IFI44L: variants seen among roughly 807,000 people sequenced by gnomAD.
IFI44L encodes the protein interferon induced protein 44 like.
A neutral mutation model predicts 39.3 loss-of-function variants in IFI44L; 40 were observed. That is an observed-to-expected ratio of 1.02 (90% CI 0.79 to 1.33). IFI44L has a LOEUF of 1.33. Among genes scored for constraint, IFI44L ranks in the 40% most tolerant of loss-of-function variants. The pLI, the probability that IFI44L is intolerant of heterozygous loss-of-function variation, is 0.00. For synonymous variants in IFI44L, 198 were observed against 182.3 expected (o/e 1.09, Z -0.69); for missense variants, 623 against 549.0 (o/e 1.13, Z -1.35).
rs1647034891 is a variant in IFI44L, at chr1:78,645,333, A to T, written c.*3524A>T. 6.6e-6 allele frequency: 1 copy of T among 152,132 alleles called. No individual in the cohort carries two copies. The highest frequency in any genetic ancestry group is 1.5e-5 in the Non-Finnish European group (1 of 68,028). 9.4% of individuals were successfully genotyped at this position (152,132 alleles called of 1,614,324 possible). A position where few individuals can be genotyped will look rare whatever the true frequency, so the allele number is the denominator to read the frequency against. Reference sequence around the variant, plus strand: ...TGTAACCCTCATGCTTGGCCCAAATAAACTCTCTACTTATATCAGTTTTTC... The same window carrying T: ...TGTAACCCTCATGCTTGGCCCAAATTAACTCTCTACTTATATCAGTTTTTC... On this transcript the variant is annotated 3_prime_UTR_variant, in exon 9 of 9. Coordinates refer to ENST00000370751, the MANE Select transcript of IFI44L (RefSeq NM_006820.4).
rs1647016867 is a variant in IFI44L at position 78,643,894 on chromosome 1, T to C, written c.*2085T>C. Reference sequence around the variant, plus strand: ...TAAGGAAAGGAGCTAACAGTCATGCTGTAAGTAGCTACAGGGAATTGGCTT... The same window carrying C: ...TAAGGAAAGGAGCTAACAGTCATGCCGTAAGTAGCTACAGGGAATTGGCTT... On this transcript the variant is annotated 3_prime_UTR_variant, in exon 9 of 9. Coordinates refer to ENST00000370751, the MANE Select transcript of IFI44L (RefSeq NM_006820.4). 1 of 152,198 alleles carries C rather than the reference T, an allele frequency of 6.6e-6. No individual in the cohort carries two copies. Among genetic ancestry groups the C allele is most frequent in the Admixed American group, 6.6e-5 (1 of 15,262 alleles). 9.4% of individuals were successfully genotyped at this position (152,198 alleles called of 1,614,324 possible). A position where few individuals can be genotyped will look rare whatever the true frequency, so the allele number is the denominator to read the frequency against.
At chr1:78,623,997 T>A (rs1402440785) in intron 1 of IFI44L, among the ~76,000 whole-genome samples, 6 of 152,082 alleles carry the variant, frequency 3.9e-5, no homozygotes, top group Non-Finnish European at 8.8e-5. Flanking sequence ...TTTCTTTTCT[T>A]TTCTTTTTTT....
intron 7 of IFI44L, 111 bp from the exon 8 acceptor site, chr1:78,641,324 T>C: frequency 2.0e-6 from 2 of 1,013,270 alleles, no homozygotes; most frequent in South Asian, 3.2e-5. Context: ...GTTCCGAAGA[T>C]AACTTATTAA....
chr1:78,630,236 C>A, intron 4 of IFI44L: 1 of 196,092 alleles, frequency 5.1e-6, no homozygotes. Flanking sequence ...CATGATTTTA[C>A]CTGGTTTAAA....
Position 78,645,425 on chromosome 1 carries a change from G to T in IFI44L, c.*3616G>T, listed in dbSNP as rs999848487. 1.3e-5 allele frequency: 2 copies of T among 152,132 alleles called. No homozygotes were observed. Among genetic ancestry groups the T allele is most frequent in the Non-Finnish European group, 2.9e-5 (2 of 68,026 alleles). 9.4% of individuals were successfully genotyped at this position (152,132 alleles called of 1,614,324 possible). On this transcript the variant is annotated 3_prime_UTR_variant, in exon 9 of 9. Coordinates refer to ENST00000370751, the MANE Select transcript of IFI44L (RefSeq NM_006820.4). ...ACTGTGCTGGGTAATGTGTAAACTT[G>T]TGTCTTGTTTAGAAAGATAAATTTA...
intron 5 of IFI44L, among the ~76,000 whole-genome samples, chr1:78,636,507 C>A (rs549303848): frequency 2.0e-5 from 3 of 152,038 alleles, no homozygotes; most frequent in Non-Finnish European, 4.4e-5. Flanking sequence ...AGATTACTGT[C>A]TTGTGGTAAG....
intron 6 of IFI44L, among the ~76,000 whole-genome samples, chr1:78,638,649 A>G (rs569224358): frequency 1.7e-4 from 26 of 152,182 alleles, no homozygotes; most frequent in Non-Finnish European, 3.5e-4. Flanking sequence ...TTTTAGCTCT[A>G]AAATTTCAAG....
chr1:78,638,777 G>A (rs1277054619), intron 6 of IFI44L, among the ~76,000 whole-genome samples: 3 of 152,036 alleles, frequency 2.0e-5, no homozygotes, highest in Non-Finnish European at 4.4e-5. Flanking sequence ...TAGAATCCTT[G>A]CCAAATAATT....
At chr1:78,633,142 T>A (rs893494132) in intron 4 of IFI44L, among the ~76,000 whole-genome samples, 1 of 152,166 alleles carries the variant, frequency 6.6e-6, no homozygotes, top group African/African-American at 2.4e-5. Context: ...AGTTTTACGT[T>A]ATCTGCATCA....
intron 6 of IFI44L, among the ~76,000 whole-genome samples, chr1:78,639,794 C>G (rs1191416246): frequency 3.9e-5 from 6 of 152,084 alleles, no homozygotes; most frequent in Non-Finnish European, 8.8e-5. Flanking sequence ...CATTTATACT[C>G]CAAAGCCTCG....
intron 4 of IFI44L, among the ~76,000 whole-genome samples, chr1:78,635,099 A>G (rs1253911008): frequency 6.6e-6 from 1 of 151,168 alleles, no homozygotes; most frequent in African/African-American, 2.4e-5. Context: ...ATTAAAAAGG[A>G]ATATTTACAT....
At chr1:78,622,101 T>G (rs1381758862) in intron 1 of IFI44L, among the ~76,000 whole-genome samples, 1 of 152,156 alleles carries the variant, frequency 6.6e-6, no homozygotes, top group Non-Finnish European at 1.5e-5. Context: ...CACCCACCCT[T>G]CCTAGCCTCC....
chr1:78,641,216 C>T, intron 7 of IFI44L, 95 bp downstream of exon 7: 1 of 948,436 alleles, frequency 1.1e-6, no homozygotes, highest in Non-Finnish European at 1.7e-6. Flanking sequence ...TATGTGCTTA[C>T]AGAGTGTATT....
rs190500515 is a variant in IFI44L at position 78,632,219 on chromosome 1, A to C, written c.723+2304A>C. Among the ~76,000 whole-genome samples the C allele has an allele frequency of 1.4e-3, 212 of 152,276 alleles. 1 individual carries two copies. The highest frequency in any genetic ancestry group is 5.0e-3 in the African/African-American group (206 of 41,568). ...GGCAGGTATCTTAATGCAAATGCTC[A>C]AGTGACCCTACTAATAAAGAACAAA... On this transcript the variant is annotated intron_variant, in intron 4 of 8. Coordinates refer to ENST00000370751, the MANE Select transcript of IFI44L (RefSeq NM_006820.4).
intron 1 of IFI44L, among the ~76,000 whole-genome samples, chr1:78,623,297 A>C (rs948972769): frequency 6.6e-6 from 1 of 151,520 alleles, no homozygotes; most frequent in African/African-American, 2.4e-5. Context: ...AAAAGCTGTC[A>C]GTTTTTCACT....
chr1:78,630,800 C>T (rs1395205965), intron 4 of IFI44L, among the ~76,000 whole-genome samples: 2 of 152,126 alleles, frequency 1.3e-5, no homozygotes, highest in Admixed American at 6.6e-5. Flanking sequence ...TGGCCAGATA[C>T]TGTGCTCTTG....
At chr1:78,636,835 T>C (rs1281205243) in intron 5 of IFI44L, 197 bp from the exon 6 acceptor site, 1 of 462,734 alleles carries the variant, frequency 2.2e-6, no homozygotes, top group East Asian at 3.6e-5. Flanking sequence ...AAGTGTTTTT[T>C]TTCCTATAAG....
rs189686325 is a variant in IFI44L at position 78,636,146 on chromosome 1, C to T, written c.876+657C>T. Among the ~76,000 whole-genome samples, 282 of 152,106 alleles carry T rather than the reference C, an allele frequency of 1.9e-3. 1 individual carries two copies. Among genetic ancestry groups the T allele is most frequent in the African/African-American group, 6.5e-3 (270 of 41,532 alleles). ...ATTTCTAAAGAAGAATCTCTTTTGC[C>T]TCCCAATTGTGCTGAATTGGAAACC... On this transcript the variant is annotated intron_variant, in intron 5 of 8. Transcript: ENST00000370751.
chr1:78,628,538 G>T, intron 2 of IFI44L, 145 bp downstream of exon 2: 2 of 624,908 alleles, frequency 3.2e-6, no homozygotes, highest in Non-Finnish European at 5.5e-6. Context: ...GAAATGAAAC[G>T]TGGGGAACAT....
Sources: allele counts gnomAD v4.1 joint callset (sites outside exome capture counted in the v4.1 genomes callset), GRCh38; gene constraint gnomAD v4.1.1; transcripts MANE v1.5; gene names NCBI Gene and HGNC (gene_info 2026-07-23, HGNC 2026-07-21).